The following DCAF6 variants were observed in gnomAD, a reference collection of about 807,000 sequenced individuals.
DCAF6 encodes the protein DDB1- and CUL4-associated factor 6.
Under a neutral mutation model 125.1 loss-of-function variants are expected in DCAF6, and 54 were observed. That is an observed-to-expected ratio of 0.43 (90% CI 0.35 to 0.54). The LOEUF (loss-of-function observed/expected upper bound fraction) is 0.54. DCAF6 is among the 20% of genes least tolerant of loss of function. The pLI is 0.01. For missense variants in DCAF6, 934 were observed against 1,161.7 expected, an observed-to-expected ratio of 0.80 and a Z score of 2.85; for synonymous variants, 371 against 390.4, an observed-to-expected ratio of 0.95 and a Z score of 0.58.
At chr1:167,898,729 T>A in the DCAF6 span, among the ~76,000 whole-genome samples, 1 of 152,138 alleles carries the variant, frequency 6.6e-6, no homozygotes, top group Non-Finnish European at 1.5e-5. Context: ...GGTTGTAGGC[T>A]GATGCATGAG....
At chr1:168,019,555 G>T in intron 11 of DCAF6, 1 of 456,304 alleles carries the variant, frequency 2.2e-6, no homozygotes, top group Non-Finnish European at 4.4e-6. Context: ...GTCCCCTGAA[G>T]TCATGGGTTG....
Position 168,070,996 on chromosome 1 carries a change from T to C in DCAF6, c.2791+2533T>C, listed in dbSNP as rs2102014350. 2.6e-5 allele frequency among the ~76,000 whole-genome samples: 4 copies of C among 152,340 alleles called. 1 individual carries two copies. The South Asian group carries it at 8.3e-4, about 32-fold the overall frequency. The stretch of plus-strand genomic sequence containing the variant: ...TTCTCTGTCATGGGTTTGCAAAGCC[T>C]GTTATCCTATTGAGATCACAATCAC... On this transcript the variant is annotated intron_variant, in intron 21 of 21. Transcript: ENST00000367840.
rs1420144207 is a variant in DCAF6, at chr1:168,015,932, A to G, written c.1530A>G (p.Ser510=). ...TSDQSSHEGS[S]QDPHASDSPS... ...ATCAGTCTTCTCATGAGGGCTCTTCACAGGACCCTCATGCTTCAGGTTATT... is the reference window on the plus strand; with the variant it reads ...ATCAGTCTTCTCATGAGGGCTCTTCGCAGGACCCTCATGCTTCAGGTTATT... Residue 510 remains serine (S), a synonymous_variant, in exon 11 of 22, where the codon TCA becomes TCG. Coordinates refer to ENST00000367840, the MANE Select transcript of DCAF6 (RefSeq NM_001198956.2). 43 of 1,513,346 alleles carry G rather than the reference A, an allele frequency of 2.8e-5. No individual in the cohort carries two copies. Among genetic ancestry groups the G allele is most frequent in the Non-Finnish European group, 3.6e-5 (41 of 1,129,160 alleles). The allele number at this position is 1,513,346 out of a possible 1,614,324, so 93.7% of individuals were successfully genotyped here. A position where few individuals can be genotyped will look rare whatever the true frequency, so the allele number is the denominator to read the frequency against.
chr1:167,899,906 C>G, the DCAF6 span, among the ~76,000 whole-genome samples: 1 of 152,094 alleles, frequency 6.6e-6, no homozygotes, highest in African/African-American at 2.4e-5. Flanking sequence ...TTATTTTTAC[C>G]TTTTCTTCAA....
chr1:167,894,303 G>A, the DCAF6 span, among the ~76,000 whole-genome samples: 54 of 152,160 alleles, frequency 3.5e-4, no homozygotes, highest in Non-Finnish European at 7.4e-4. Context: ...CAGAATGAAG[G>A]GGATGGTAGA....
intron 1 of DCAF6, among the ~76,000 whole-genome samples, chr1:167,948,959 T>C: frequency 6.6e-6 from 1 of 152,178 alleles, no homozygotes; most frequent in East Asian, 1.9e-4. Context: ...GCAATCACCA[T>C]GTGTTATTGA....
At chr1:167,932,583 T>G (rs1460714137), upstream of DCAF6, among the ~76,000 whole-genome samples, 1 of 151,614 alleles carries the variant, frequency 6.6e-6, no homozygotes, top group Non-Finnish European at 1.5e-5. Context: ...CCAAGGCAGG[T>G]GGATCACCTG....
chr1:168,060,618 A>T (rs1009732325), intron 17 of DCAF6, among the ~76,000 whole-genome samples: 2 of 152,204 alleles, frequency 1.3e-5, no homozygotes, highest in Non-Finnish European at 2.9e-5. Context: ...GAAGCTGGGC[A>T]TGGTGACTCA....
rs534203187 is a variant in DCAF6, at chr1:168,065,572, A to T, written c.2440-18A>T. 2 of 1,496,562 alleles carry T rather than the reference A, an allele frequency of 1.3e-6. No individual in the cohort carries two copies. Among genetic ancestry groups the T allele is most frequent in the East Asian group, 4.9e-5 (2 of 40,482 alleles). 92.7% of individuals were successfully genotyped at this position (1,496,562 alleles called of 1,614,324 possible). On this transcript the variant is annotated intron_variant, in intron 18 of 21. Coordinates refer to ENST00000367840, the MANE Select transcript of DCAF6 (RefSeq NM_001198956.2). ...TAACTTTGATTTGAATTTTTAAATA[A>T]TTTTTTTTAACCCTTAGATAAAAGA...
At chr1:167,980,916 C>CTTTTTTT (rs71100920) in intron 4 of DCAF6, among the ~76,000 whole-genome samples, 2 of 113,598 alleles carry the variant, frequency 1.8e-5, no homozygotes, top group Admixed American at 1.0e-4. Flanking sequence ...TCTGAATTTT[C>CTTTTTTT]TTTTTTTTTT....
chr1:168,033,516 A>G (rs1489448554), intron 12 of DCAF6, among the ~76,000 whole-genome samples: 1 of 151,742 alleles, frequency 6.6e-6, no homozygotes, highest in East Asian at 1.9e-4. Context: ...ACGGGGTTTC[A>G]CCTTGTTAGC....
the DCAF6 span, among the ~76,000 whole-genome samples, chr1:167,877,297 T>G: frequency 2.7e-5 from 4 of 150,664 alleles, no homozygotes; most frequent in Non-Finnish European, 5.9e-5. Flanking sequence ...TACCTGATGT[T>G]TAATAAGTAC....
intron 1 of DCAF6, 147 bp from the exon 2 acceptor site, chr1:167,951,653 G>GC: frequency 1.7e-6 from 1 of 583,762 alleles, no homozygotes; most frequent in Admixed American, 3.0e-5. Flanking sequence ...AGGTTAAATT[G>GC]CCCAGTATCA....
intron 12 of DCAF6, among the ~76,000 whole-genome samples, chr1:168,034,735 G>A (rs1241945331): frequency 1.3e-5 from 2 of 152,078 alleles, no homozygotes; most frequent in South Asian, 2.1e-4. Context: ...CTATTTGTGT[G>A]TTTACTTGAA....
chr1:168,044,881 C>T lies in DCAF6; in HGVS notation c.1931-19C>T, dbSNP rs767514748. 5.0e-6 allele frequency: 8 copies of T among 1,609,236 alleles called. No homozygotes were observed. Among genetic ancestry groups the T allele is most frequent in the African/African-American group, 4.0e-5 (3 of 74,532 alleles). On this transcript the variant is annotated intron_variant, in intron 15 of 21. Transcript: ENST00000367840. ...TGCCCACATTACCACCTGTTACATA[C>T]AACTTTATTTTCTGACAGCACAATC... is the stretch of plus-strand genomic sequence containing the variant.
chr1:168,060,282 C>G (rs1206550918), intron 17 of DCAF6, among the ~76,000 whole-genome samples: 1 of 152,108 alleles, frequency 6.6e-6, no homozygotes, highest in Non-Finnish European at 1.5e-5. Flanking sequence ...TGGGCTCAAG[C>G]CATCCTCCCA....
chr1:168,009,514 CCTT>C (rs1245012960), intron 10 of DCAF6, among the ~76,000 whole-genome samples: 4 of 149,636 alleles, frequency 2.7e-5, no homozygotes, highest in African/African-American at 4.9e-5. Flanking sequence ...TTCCTTCCTT[CCTT>C]CTTTCCTCCA....
At chr1:168,054,524 G>A (rs1690353974) in intron 17 of DCAF6, among the ~76,000 whole-genome samples, 1 of 152,124 alleles carries the variant, frequency 6.6e-6, no homozygotes, top group South Asian at 2.1e-4. Flanking sequence ...AGTTTTGGAG[G>A]GGACATGCAA....
At chr1:167,979,565 G>A (rs762498492) in intron 4 of DCAF6, among the ~76,000 whole-genome samples, 2 of 152,102 alleles carry the variant, frequency 1.3e-5, no homozygotes, top group East Asian at 1.9e-4. Context: ...AGAAGATTCC[G>A]TTGTATGTAT....
Sources: allele counts gnomAD v4.1 joint callset (sites outside exome capture counted in the v4.1 genomes callset), GRCh38; gene constraint gnomAD v4.1.1; transcripts MANE v1.5; gene names NCBI Gene and HGNC (gene_info 2026-07-23, HGNC 2026-07-21).